Variants in FBXL20 observed in about 807,000 individuals in gnomAD.
FBXL20 encodes the protein F-box/LRR-repeat protein 20.
Under a neutral mutation model 64.0 loss-of-function variants are expected in FBXL20, and 11 were observed. The observed-to-expected ratio is 0.17, with a 90% CI of 0.11 to 0.28. The LOEUF is 0.28. Among genes scored for constraint, FBXL20 ranks in the 10% least tolerant of loss-of-function variants. FBXL20 has a pLI of 1.00. For synonymous variants in FBXL20, 184 were observed against 189.0 expected (o/e 0.97, Z 0.22); for missense variants, 303 against 526.2 (o/e 0.58, Z 4.15).
At chr17:39,271,008 C>A (rs1026107183) in intron 10 of FBXL20, 152 bp from the exon 11 acceptor site, 4 of 634,432 alleles carry the variant, frequency 6.3e-6, no homozygotes, top group Non-Finnish European at 1.1e-5. Context: ...AGTCTGTATA[C>A]AGATCTTGCC....
At chr17:39,313,749 C>T (rs965057724) in intron 2 of FBXL20, among the ~76,000 whole-genome samples, 2 of 152,152 alleles carry the variant, frequency 1.3e-5, no homozygotes, top group Non-Finnish European at 2.9e-5. Context: ...GATTCTCCTG[C>T]CTCAGCTTCC....
chr17:39,330,900 A>G (rs2047453794), intron 2 of FBXL20, among the ~76,000 whole-genome samples: 1 of 152,194 alleles, frequency 6.6e-6, no homozygotes, highest in Non-Finnish European at 1.5e-5. Flanking sequence ...ATTCTCCAAG[A>G]GAGATAAATG....
At chr17:39,330,214 T>C (rs2047446894) in intron 2 of FBXL20, among the ~76,000 whole-genome samples, 1 of 151,972 alleles carries the variant, frequency 6.6e-6, no homozygotes, top group South Asian at 2.1e-4. Context: ...GGAGAATTGC[T>C]TGAAGCTGGG....
At position 39,388,960 on chromosome 17, in the gene FBXL20, T is replaced by C. The variant is rs375296369; in HGVS notation, c.42+12401A>G. Among the ~76,000 whole-genome samples the C allele has an allele frequency of 2.8e-3, 426 of 150,334 alleles. 2 individuals are homozygous for C. The Middle Eastern group carries it at 0.065, about 23-fold the overall frequency. On this transcript the variant is annotated intron_variant, in intron 1 of 14. Transcript: ENST00000264658. The stretch of plus-strand genomic sequence containing the variant: ...TCTACTAAAAATACAGAAAATTACC[T>C]GGGCATGGTGGCAGGCGCCTATAAT...
At chr17:39,401,290 G>T in intron 1 of FBXL20, 71 bp downstream of exon 1, 1 of 1,609,066 alleles carries the variant, frequency 6.2e-7, no homozygotes, top group Non-Finnish European at 8.5e-7. Flanking sequence ...GGCTCCGTGC[G>T]GAGCGGACGT....
chr17:39,269,842 C>G (rs1358322940), intron 11 of FBXL20, among the ~76,000 whole-genome samples: 1 of 152,174 alleles, frequency 6.6e-6, no homozygotes, highest in Non-Finnish European at 1.5e-5. Flanking sequence ...GTTGCCCGGG[C>G]TGGGCTCAAG....
intron 1 of FBXL20, among the ~76,000 whole-genome samples, chr17:39,374,844 T>C (rs1351178399): frequency 5.9e-5 from 9 of 152,080 alleles, no homozygotes; most frequent in Non-Finnish European, 1.3e-4. Flanking sequence ...CTGGGTGTAG[T>C]AGCGTGATCT....
chr17:39,313,476 G>A (rs541869024), intron 2 of FBXL20, among the ~76,000 whole-genome samples: 6 of 151,968 alleles, frequency 3.9e-5, no homozygotes, highest in Admixed American at 3.3e-4. Flanking sequence ...CGAGTGATCC[G>A]CCCGCCTCGG....
intron 2 of FBXL20, among the ~76,000 whole-genome samples, chr17:39,329,212 T>C (rs781403443): frequency 6.6e-6 from 1 of 152,194 alleles, no homozygotes; most frequent in Non-Finnish European, 1.5e-5. Flanking sequence ...AGACATCCTA[T>C]GCCTATGTTA....
chr17:39,327,077 C>T (rs2047415993), intron 2 of FBXL20, among the ~76,000 whole-genome samples: 1 of 151,922 alleles, frequency 6.6e-6, no homozygotes, highest in Non-Finnish European at 1.5e-5. Flanking sequence ...GTAGAGACAA[C>T]GTTTCACTAT....
chr17:39,339,396 G>C (rs143374386), intron 2 of FBXL20, among the ~76,000 whole-genome samples: 2,176 of 152,216 alleles, frequency 0.014, 53 homozygotes, highest in African/African-American at 0.049. Context: ...CAGGCTGAGA[G>C]GTCAAAGCTG....
At chr17:39,381,264 G>A (rs764252393) in intron 1 of FBXL20, among the ~76,000 whole-genome samples, 2 of 151,642 alleles carry the variant, frequency 1.3e-5, no homozygotes, top group African/African-American at 4.8e-5. Flanking sequence ...CTGCTTGAGC[G>A]TAGGAGTTTG....
rs146417861 is a variant in FBXL20 at position 39,354,395 on chromosome 17, C to G, written c.43-11154G>C. On this transcript the variant is annotated intron_variant, in intron 1 of 14. Coordinates refer to ENST00000264658, the MANE Select transcript of FBXL20 (RefSeq NM_032875.3). ...ATGTTCATCGCACTTACTACCCATT[C>G]CATGTCCTTCTCAATCTCGTTAACT... is the stretch of plus-strand genomic sequence containing the variant. 1.9e-3 allele frequency among the ~76,000 whole-genome samples: 294 copies of G among 152,294 alleles called. 2 individuals carry two copies. The highest frequency in any genetic ancestry group is 6.8e-3 in the African/African-American group (281 of 41,568).
At chr17:39,316,533 C>T (rs1485311779) in intron 2 of FBXL20, among the ~76,000 whole-genome samples, 2 of 152,140 alleles carry the variant, frequency 1.3e-5, no homozygotes, top group Non-Finnish European at 2.9e-5. Flanking sequence ...GATGGGGACA[C>T]GTCAAAAAGT....
At chr17:39,394,936 A>G (rs57399933) in intron 1 of FBXL20, among the ~76,000 whole-genome samples, 56,206 of 151,942 alleles carry the variant, frequency 0.37, 13,110 homozygotes, top group African/African-American at 0.66. Flanking sequence ...AGTAATCTAA[A>G]GAGTAGGAAT....
chr17:39,321,236 G>A (rs1340823824), intron 2 of FBXL20, among the ~76,000 whole-genome samples: 1 of 150,916 alleles, frequency 6.6e-6, no homozygotes, highest in South Asian at 2.1e-4. Context: ...GGTGGATCAC[G>A]AGGTCAGGAG....
At chr17:39,299,612 T>A (rs939807236) in intron 4 of FBXL20, among the ~76,000 whole-genome samples, 4 of 151,112 alleles carry the variant, frequency 2.6e-5, no homozygotes, top group Non-Finnish European at 2.9e-5. Context: ...AAACCCCATC[T>A]CTACTAAAAA....
At chr17:39,361,265 G>A (rs966381014) in intron 1 of FBXL20, among the ~76,000 whole-genome samples, 1 of 152,020 alleles carries the variant, frequency 6.6e-6, no homozygotes, top group Non-Finnish European at 1.5e-5. Context: ...AAGCCAAGCA[G>A]ATTGAGCTGC....
chr17:39,315,814 AGT>A (rs1465921410), intron 2 of FBXL20, among the ~76,000 whole-genome samples: 10 of 132,262 alleles, frequency 7.6e-5, no homozygotes, highest in African/African-American at 3.4e-4. Context: ...TTTGAGAGAG[AGT>A]GAGAGAGAGA....
Sources: gnomAD v4.1 joint callset for allele counts (sites outside exome capture counted in the v4.1 genomes callset) on GRCh38, gnomAD v4.1.1 for gene constraint, MANE v1.5 for transcripts, NCBI Gene and HGNC (gene_info 2026-07-23, HGNC 2026-07-21) for gene names.